SLIT2: variants seen among roughly 807,000 people sequenced by gnomAD.
SLIT2 encodes slit guidance ligand 2, also known as slit homolog 2 protein.
SLIT2 carries 41 observed loss-of-function variants against 185.7 expected under a neutral mutation model. The observed-to-expected ratio is 0.22, with a 90% CI of 0.17 to 0.29. The LOEUF (loss-of-function observed/expected upper bound fraction) is 0.29. Among genes scored for constraint, SLIT2 ranks in the 10% least tolerant of loss-of-function variants. SLIT2 has a pLI of 1.00. For missense variants in SLIT2, 1,571 were observed against 1,909.0 expected (o/e 0.82, Z 3.30); for synonymous variants, 693 against 680.2 (o/e 1.02, Z -0.29).
chr4:20,505,700 T>C (rs780807668), intron 9 of SLIT2, among the ~76,000 whole-genome samples: 7 of 152,088 alleles, frequency 4.6e-5, no homozygotes, highest in Admixed American at 2.0e-4. Flanking sequence ...TTAGACTTCA[T>C]TGAGCTAAAA....
At chr4:20,410,243 CTTTTTTT>C (rs1160985126) in intron 4 of SLIT2, among the ~76,000 whole-genome samples, 10 of 69,054 alleles carry the variant, frequency 1.4e-4, no homozygotes, top group Middle Eastern at 0.016. Flanking sequence ...TCTTTCTTTT[CTTTTTTT>C]TTTTTTTTTT....
In SLIT2 at chr4:20,484,735, G is replaced by A. The variant is rs1205593976; in HGVS notation, c.540-1465G>A. The stretch of plus-strand genomic sequence containing the variant: ...ATTAGTTGCCACTATTTAAACATTA[G>A]AAAGATCTAAAAATTTTTATCTCTA... On this transcript the variant is annotated intron_variant, in intron 6 of 36. Transcript: ENST00000504154. This position sits in a 1 kb window ranked among gnomAD's most constrained non-coding sequence, Gnocchi z 4.3. 6.6e-6 allele frequency among the ~76,000 whole-genome samples: 1 copy of A among 152,104 alleles called. No individual in the cohort carries two copies.
At chr4:20,321,567 C>T (rs1206887937) in intron 4 of SLIT2, among the ~76,000 whole-genome samples, 1 of 152,160 alleles carries the variant, frequency 6.6e-6, no homozygotes, top group Non-Finnish European at 1.5e-5. Flanking sequence ...CTCAATGAGG[C>T]TGCAGAAATG....
chr4:20,301,888 C>T (rs1311724903), intron 4 of SLIT2, among the ~76,000 whole-genome samples: 12 of 152,144 alleles, frequency 7.9e-5, no homozygotes, highest in Non-Finnish European at 1.5e-5. Flanking sequence ...AAATGTTCAT[C>T]AGGCTCAATC....
chr4:20,431,819 AG>A (rs1729004470), intron 4 of SLIT2, among the ~76,000 whole-genome samples: 1 of 152,186 alleles, frequency 6.6e-6, no homozygotes, highest in African/African-American at 2.4e-5. Context: ...TGATAAAAGG[AG>A]GAAAGTGAAG....
At chr4:20,397,049 A>G (rs906425260) in intron 4 of SLIT2, among the ~76,000 whole-genome samples, 1 of 151,596 alleles carries the variant, frequency 6.6e-6, no homozygotes, top group African/African-American at 2.4e-5. Context: ...TTAAAACTTA[A>G]AAGGCCTGGA....
At position 20,484,519 on chromosome 4, in the gene SLIT2, G is replaced by A. The variant is rs1346445360; in HGVS notation, c.540-1681G>A. On this transcript the variant is annotated intron_variant, in intron 6 of 36. Coordinates refer to ENST00000504154, the MANE Select transcript of SLIT2 (RefSeq NM_004787.4). The surrounding 1 kb of genome is among the most constrained non-coding windows in gnomAD (Gnocchi z 4.3). ...AATTCAATACATTGCAAAACAAGGT[G>A]GTAAAGAGGGTCCATGCATGATCTG... Among the ~76,000 whole-genome samples, 1 of 152,010 alleles carries A rather than the reference G, an allele frequency of 6.6e-6. No homozygotes were observed. Among genetic ancestry groups the A allele is most frequent in the Non-Finnish European group, 1.5e-5 (1 of 67,990 alleles).
intron 4 of SLIT2, among the ~76,000 whole-genome samples, chr4:20,384,950 G>A (rs947540639): frequency 1.3e-5 from 2 of 152,156 alleles, no homozygotes; most frequent in African/African-American, 4.8e-5. Flanking sequence ...ATCAAAAATT[G>A]GAATGCCGTT....
intron 4 of SLIT2, among the ~76,000 whole-genome samples, chr4:20,416,687 A>G (rs760271153): frequency 2.8e-4 from 42 of 152,346 alleles, no homozygotes; most frequent in South Asian, 6.2e-4. Context: ...TTAAAAGACT[A>G]TAAATCCCAT....
intron 4 of SLIT2, among the ~76,000 whole-genome samples, chr4:20,413,364 G>C (rs1300875446): frequency 6.6e-6 from 1 of 151,800 alleles, no homozygotes; most frequent in Non-Finnish European, 1.5e-5. Flanking sequence ...CTTTTAAATT[G>C]AGACTTGTTC....
At chr4:20,266,014 A>G (rs538789510) in intron 3 of SLIT2, among the ~76,000 whole-genome samples, 11 of 152,020 alleles carry the variant, frequency 7.2e-5, no homozygotes, top group African/African-American at 2.4e-4. Flanking sequence ...AATTGTACTT[A>G]CTCATGGGGA....
At chr4:20,450,895 G>T (rs1712399287) in intron 4 of SLIT2, among the ~76,000 whole-genome samples, 1 of 152,116 alleles carries the variant, frequency 6.6e-6, no homozygotes, top group South Asian at 2.1e-4. Context: ...TGTTTAGGAT[G>T]AAAAAGTTAA....
chr4:20,470,352 A>G (rs1203214245), intron 5 of SLIT2, among the ~76,000 whole-genome samples: 1 of 152,184 alleles, frequency 6.6e-6, no homozygotes, highest in Non-Finnish European at 1.5e-5. Context: ...AAAGTGCTAA[A>G]TGAATATGCA....
intron 26 of SLIT2, among the ~76,000 whole-genome samples, chr4:20,565,841 A>G (rs998674999): frequency 6.6e-6 from 1 of 152,052 alleles, no homozygotes; most frequent in Non-Finnish European, 1.5e-5. Context: ...ATACATTTCA[A>G]GAGTTTTTTA....
At chr4:20,269,949 C>T (rs1347833205) in intron 4 of SLIT2, among the ~76,000 whole-genome samples, 4 of 151,856 alleles carry the variant, frequency 2.6e-5, no homozygotes, top group Non-Finnish European at 4.4e-5. Flanking sequence ...AGCTGACATA[C>T]CAGATCTCTC....
chr4:20,478,615 G>T (rs761505358), intron 5 of SLIT2, among the ~76,000 whole-genome samples: 1 of 152,198 alleles, frequency 6.6e-6, no homozygotes, highest in Non-Finnish European at 1.5e-5. Flanking sequence ...AGGATAATAA[G>T]ATATGGGCAA....
At chr4:20,301,085 G>A (rs928924623) in intron 4 of SLIT2, among the ~76,000 whole-genome samples, 3 of 152,078 alleles carry the variant, frequency 2.0e-5, no homozygotes, top group African/African-American at 7.2e-5. Flanking sequence ...CTCTTGAACA[G>A]TGTATCTACC....
intron 33 of SLIT2, among the ~76,000 whole-genome samples, chr4:20,609,356 C>T: frequency 6.6e-6 from 1 of 152,190 alleles, no homozygotes; most frequent in East Asian, 1.9e-4. Flanking sequence ...CTAGATATCA[C>T]TATGTTAAGC....
intron 4 of SLIT2, among the ~76,000 whole-genome samples, chr4:20,317,690 G>T (rs1459407076): frequency 6.6e-6 from 1 of 152,022 alleles, no homozygotes; most frequent in East Asian, 1.9e-4. Context: ...GCTTGTTCCT[G>T]TCAGTAACTG....
Sources: gnomAD v4.1 joint callset for allele counts (sites outside exome capture counted in the v4.1 genomes callset) on GRCh38, gnomAD v4.1.1 for gene constraint, Gnocchi (gnomAD v3.1) non-coding constraint, MANE v1.5 for transcripts, NCBI Gene and HGNC (gene_info 2026-07-23, HGNC 2026-07-21) for gene names.